Variants in PPP3CA observed in about 807,000 individuals in gnomAD.
PPP3CA encodes CAM-PRP catalytic subunit.
In PPP3CA, 14 loss-of-function variants were observed where a neutral mutation model predicts 66.5. The ratio of observed to expected loss-of-function variants is 0.21; its 90% CI spans 0.14 to 0.33. The LOEUF is 0.33. Among genes scored for constraint, PPP3CA ranks in the 10% least tolerant of loss-of-function variants. The pLI is 1.00. For synonymous variants in PPP3CA, 232 were observed against 226.2 expected (o/e 1.03, Z -0.23); for missense variants, 317 against 639.5 (o/e 0.50, Z 5.44).
chr4:101,152,731 C>A (rs1174352526), intron 2 of PPP3CA, among the ~76,000 whole-genome samples: 3 of 152,074 alleles, frequency 2.0e-5, no homozygotes, highest in African/African-American at 7.2e-5. Flanking sequence ...ATGGGGCAAG[C>A]ACAGTATGAC....
intron 1 of PPP3CA, among the ~76,000 whole-genome samples, chr4:101,266,860 G>C (rs1249131660): frequency 6.6e-6 from 1 of 152,196 alleles, no homozygotes; most frequent in Non-Finnish European, 1.5e-5. Context: ...AGTAGCAATT[G>C]CTCAATCATT....
intron 11 of PPP3CA, among the ~76,000 whole-genome samples, chr4:101,039,325 C>A (rs1207175046): frequency 6.9e-6 from 1 of 145,212 alleles, no homozygotes; most frequent in African/African-American, 2.5e-5. Flanking sequence ...CCCACTTGCT[C>A]CATCTCTACA....
chr4:101,048,690 C>T (rs1015597593), intron 10 of PPP3CA, among the ~76,000 whole-genome samples: 6 of 151,972 alleles, frequency 3.9e-5, no homozygotes, highest in Non-Finnish European at 8.8e-5. Context: ...AACTCTATTA[C>T]CTATCCTTCC....
At chr4:101,064,666 T>A (rs1445452712) in intron 8 of PPP3CA, among the ~76,000 whole-genome samples, 2 of 152,184 alleles carry the variant, frequency 1.3e-5, no homozygotes, top group Non-Finnish European at 2.9e-5. Context: ...TTTATCCCCT[T>A]TCGCCCTCTT....
intron 2 of PPP3CA, among the ~76,000 whole-genome samples, chr4:101,118,113 C>T (rs2903224): frequency 5.3e-5 from 8 of 151,990 alleles, no homozygotes; most frequent in Admixed American, 1.3e-4. Flanking sequence ...GCCTATGTTT[C>T]TAGGGCTTTT....
chr4:101,101,706 T>C (rs1730450973), intron 3 of PPP3CA, among the ~76,000 whole-genome samples: 1 of 152,134 alleles, frequency 6.6e-6, no homozygotes, highest in Admixed American at 6.6e-5. Flanking sequence ...GATTAATTAA[T>C]TTTTACACAA....
At chr4:101,208,839 A>G (rs1725217676) in intron 1 of PPP3CA, among the ~76,000 whole-genome samples, 1 of 152,204 alleles carries the variant, frequency 6.6e-6, no homozygotes, top group African/African-American at 2.4e-5. Flanking sequence ...GAGTGAATTC[A>G]GTAATTCATA....
chr4:101,216,173 A>G (rs553930371), intron 1 of PPP3CA, among the ~76,000 whole-genome samples: 1 of 152,308 alleles, frequency 6.6e-6, no homozygotes, highest in East Asian at 1.9e-4. Flanking sequence ...TTCATAATCA[A>G]TAAATTACGC....
intron 1 of PPP3CA, among the ~76,000 whole-genome samples, chr4:101,248,566 G>A (rs1355601281): frequency 6.6e-6 from 1 of 152,104 alleles, no homozygotes; most frequent in Non-Finnish European, 1.5e-5. Flanking sequence ...CTCTGGGGAA[G>A]GGGTTTCATC....
chr4:101,099,124 A>T (rs567810463), intron 4 of PPP3CA, among the ~76,000 whole-genome samples: 1 of 152,164 alleles, frequency 6.6e-6, no homozygotes, highest in Non-Finnish European at 1.5e-5. Flanking sequence ...AGTGAATAAT[A>T]AGAAAAATTG....
At chr4:101,293,021 G>A (rs150651326) in intron 1 of PPP3CA, among the ~76,000 whole-genome samples, 144 of 152,222 alleles carry the variant, frequency 9.5e-4, no homozygotes, top group Non-Finnish European at 1.8e-3. Context: ...ATTTCAAAAT[G>A]TTACATTAAA....
intron 8 of PPP3CA, among the ~76,000 whole-genome samples, chr4:101,069,512 A>G (rs1377744046): frequency 6.6e-6 from 1 of 152,188 alleles, no homozygotes; most frequent in Non-Finnish European, 1.5e-5. Context: ...ATATTATCTT[A>G]CCTACATGAA....
intron 10 of PPP3CA, among the ~76,000 whole-genome samples, chr4:101,043,831 T>G (rs566696669): frequency 2.6e-5 from 4 of 152,114 alleles, no homozygotes; most frequent in Admixed American, 2.6e-4. Flanking sequence ...GCCGAGATTG[T>G]GCCATTGCAC....
At chr4:101,042,517 T>C (rs1727570250) in intron 10 of PPP3CA, among the ~76,000 whole-genome samples, 2 of 152,198 alleles carry the variant, frequency 1.3e-5, no homozygotes. Context: ...AGACAGCTGT[T>C]CTCAGATCTA....
chr4:101,078,113 C>T (rs1167399990), intron 8 of PPP3CA, among the ~76,000 whole-genome samples: 2 of 151,958 alleles, frequency 1.3e-5, no homozygotes, highest in Non-Finnish European at 2.9e-5. Context: ...AGGGACATTT[C>T]CTTCCCTCAG....
rs1560566836 is a variant in PPP3CA, at chr4:101,025,472, T to C, written c.*393A>G. On this transcript the variant is annotated 3_prime_UTR_variant, in exon 14 of 14. Transcript: ENST00000394854. Reference sequence around the variant, plus strand: ...TGTAAACGTACAATAGAGTAAGAAATTAGACAAAGTTTTCATGTCCAGTAA... The same window carrying C: ...TGTAAACGTACAATAGAGTAAGAAACTAGACAAAGTTTTCATGTCCAGTAA... 1 of 156,000 alleles carries C rather than the reference T, an allele frequency of 6.4e-6. No homozygotes were observed. Among genetic ancestry groups the C allele is most frequent in the African/African-American group, 2.4e-5 (1 of 41,494 alleles). 9.7% of individuals were successfully genotyped at this position (156,000 alleles called of 1,614,324 possible).
chr4:101,326,373 C>T (rs1184707657), intron 1 of PPP3CA, among the ~76,000 whole-genome samples: 1 of 152,132 alleles, frequency 6.6e-6, no homozygotes, highest in Admixed American at 6.5e-5. Context: ...CCATATTAAC[C>T]TCCTCACAGG....
intron 1 of PPP3CA, among the ~76,000 whole-genome samples, chr4:101,282,541 T>C (rs1727718601): frequency 6.6e-6 from 1 of 152,238 alleles, no homozygotes; most frequent in South Asian, 2.1e-4. Flanking sequence ...GCTTCCTGTG[T>C]CAAGGTAGTG....
At chr4:101,026,798 T>A (rs1726675290) in intron 13 of PPP3CA, among the ~76,000 whole-genome samples, 1 of 151,840 alleles carries the variant, frequency 6.6e-6, no homozygotes, top group South Asian at 2.1e-4. Flanking sequence ...AGTGAACAGG[T>A]CAAACTGATG....
Sources: allele counts gnomAD v4.1 joint callset (sites outside exome capture counted in the v4.1 genomes callset), GRCh38; gene constraint gnomAD v4.1.1; transcripts MANE v1.5; gene names NCBI Gene and HGNC (gene_info 2026-07-23, HGNC 2026-07-21).